Variants in BCAP29 observed in about 807,000 individuals in gnomAD.
The protein encoded by BCAP29 is B cell receptor associated protein 29.
A neutral mutation model predicts 31.8 loss-of-function variants in BCAP29; 34 were observed. The observed-to-expected ratio is 1.07, with a 90% CI of 0.81 to 1.42. The LOEUF is 1.42. Ranked by LOEUF, BCAP29 falls within the 40% of genes most tolerant of loss-of-function variation. BCAP29 has a pLI of 0.00. For missense variants in BCAP29, 314 were observed against 269.2 expected (o/e 1.17, Z -1.16); for synonymous variants, 104 against 91.3 (o/e 1.14, Z -0.79).
At position 107,580,746 on chromosome 7, in the gene BCAP29, T is replaced by A. The variant is rs1457703880; in HGVS notation, c.-14-13T>A. 1.9e-6 allele frequency: 3 copies of A among 1,555,748 alleles called. No individual in the cohort carries two copies. The highest frequency in any genetic ancestry group is 2.6e-6 in the Non-Finnish European group (3 of 1,141,790). ...GAAAGGAAGCAAGAGAAAATAAGTG[T>A]TTTTCCATTTAGGTGTGAAGAAAAA... On this transcript the variant is annotated splice_polypyrimidine_tract_variant and intron_variant, in intron 1 of 7. Transcript: ENST00000005259.
intron 6 of BCAP29, 29 bp from the exon 7 acceptor site, chr7:107,613,303 T>C (rs1813563023): frequency 1.3e-6 from 2 of 1,513,444 alleles, no homozygotes; most frequent in Non-Finnish European, 1.8e-6. Context: ...TATTCTGAAA[T>C]AAAAATAAAA....
chr7:107,608,707 C>A (rs1424158705), intron 6 of BCAP29, among the ~76,000 whole-genome samples: 3 of 152,088 alleles, frequency 2.0e-5, no homozygotes, highest in Non-Finnish European at 4.4e-5. Context: ...AGAATGGTCT[C>A]TTTGCTTTGT....
intron 3 of BCAP29, among the ~76,000 whole-genome samples, chr7:107,588,290 T>C (rs1808074226): frequency 6.6e-6 from 1 of 151,912 alleles, no homozygotes; most frequent in East Asian, 1.9e-4. Context: ...TTTATTTGGG[T>C]TTTATTTTGG....
At chr7:107,594,852 A>G (rs913721416) in intron 4 of BCAP29, among the ~76,000 whole-genome samples, 2 of 152,174 alleles carry the variant, frequency 1.3e-5, no homozygotes, top group African/African-American at 4.8e-5. Context: ...GATATACCCA[A>G]ATAACAAACA....
intron 4 of BCAP29, 166 bp from the exon 5 acceptor site, chr7:107,595,701 T>A: frequency 1.7e-6 from 1 of 603,416 alleles, no homozygotes; most frequent in Non-Finnish European, 2.6e-6. Flanking sequence ...GACACGGGCC[T>A]GTTTTTACTA....
chr7:107,586,830 T>A (rs1157402603), intron 3 of BCAP29, among the ~76,000 whole-genome samples: 1 of 151,476 alleles, frequency 6.6e-6, no homozygotes, highest in Non-Finnish European at 1.5e-5. Context: ...CAGGCTCAAG[T>A]AATTCTCCAG....
chr7:107,593,836 G>A (rs562582566), intron 3 of BCAP29, 119 bp from the exon 4 acceptor site: 61 of 930,938 alleles, frequency 6.6e-5, no homozygotes, highest in South Asian at 6.1e-4. Flanking sequence ...CATAAAGGTC[G>A]CCTCTGCCTA....
chr7:107,618,328 G>T lies in BCAP29; in HGVS notation c.691G>T (p.Asp231Tyr). ...ATAAATCATATTTTTTTCCTTACAGGATCGTTTAGAAAGAGGCAACAAGAA... is the reference window on the plus strand; with the variant it reads ...ATAAATCATATTTTTTTCCTTACAGTATCGTTTAGAAAGAGGCAACAAGAA... Reference protein sequence around the residue: ...QLLKEHSELQDRLERGNKKRL With the variant: ...QLLKEHSELQYRLERGNKKRL The change falls in exon 8 of 8, where the codon GAT (aspartate) becomes TAT (tyrosine). Residue 231 changes from aspartate (D) to tyrosine (Y), a missense_variant and splice_region_variant. Physicochemically the swap from Asp to Tyr is radical, Grantham distance 160. Coordinates refer to ENST00000005259, the MANE Select transcript of BCAP29 (RefSeq NM_018844.4). 1.3e-6 allele frequency: 2 copies of T among 1,573,368 alleles called. No homozygotes were observed. The highest frequency in any genetic ancestry group is 1.7e-6 in the Non-Finnish European group (2 of 1,159,434).
At chr7:107,612,590 T>A (rs1414055336) in intron 6 of BCAP29, among the ~76,000 whole-genome samples, 1 of 151,766 alleles carries the variant, frequency 6.6e-6, no homozygotes, top group Non-Finnish European at 1.5e-5. Context: ...TATATATTGC[T>A]GCTTTAGTTA....
intron 3 of BCAP29, among the ~76,000 whole-genome samples, chr7:107,585,233 T>C (rs1430792989): frequency 6.6e-6 from 1 of 152,192 alleles, no homozygotes; most frequent in African/African-American, 2.4e-5. Flanking sequence ...GACACTGTTT[T>C]GTGAGAAAAT....
In BCAP29 at chr7:107,580,846, CT is replaced by C; in HGVS notation, c.78del (p.Phe26LeufsTer34). ...GGACTCATTTTAATCTTCTGCCTACCTTTTATTCCTCCTCAGAGGTAGGAAA... is the reference window on the plus strand; with the variant it reads ...GGACTCATTTTAATCTTCTGCCTACCTTTATTCCTCCTCAGAGGTAGGAAA... Reference protein sequence around the residue: ...EIGLILIFCLPFIPPQRWQKI... With the variant: ...EIGLILIFCLXFIPPQRWQKI... On this transcript the variant is annotated frameshift_variant, in exon 2 of 8. Transcript: ENST00000005259. LOFTEE classifies it high-confidence loss of function. The C allele has an allele frequency of 3.1e-6, 5 of 1,591,238 alleles. No homozygotes were observed. The highest frequency in any genetic ancestry group is 2.4e-5 in the East Asian group (1 of 42,304).
chr7:107,617,690 A>G (rs954004477), intron 7 of BCAP29, among the ~76,000 whole-genome samples: 1 of 152,222 alleles, frequency 6.6e-6, no homozygotes, highest in East Asian at 1.9e-4. Flanking sequence ...TTTGATTGCA[A>G]AAGTTAATGT....
At chr7:107,608,497 G>T (rs1274431703) in intron 6 of BCAP29, among the ~76,000 whole-genome samples, 1 of 151,738 alleles carries the variant, frequency 6.6e-6, no homozygotes, top group South Asian at 2.1e-4. Context: ...TTTCATTTTT[G>T]GAGCACTTCC....
chr7:107,587,205 A>T (rs1807859592), intron 3 of BCAP29, among the ~76,000 whole-genome samples: 1 of 152,210 alleles, frequency 6.6e-6, no homozygotes, highest in African/African-American at 2.4e-5. Context: ...AGGAATTTGA[A>T]AGTTTCCATA....
At chr7:107,618,216 A>G (rs541893324) in intron 7 of BCAP29, 112 bp from the exon 8 acceptor site, 19 of 704,874 alleles carry the variant, frequency 2.7e-5, no homozygotes, top group Non-Finnish European at 3.7e-5. Context: ...TTCACATTTA[A>G]TTATTCTCAT....
At chr7:107,596,076 A>C in intron 5 of BCAP29, 74 bp downstream of exon 5, 1 of 1,297,392 alleles carries the variant, frequency 7.7e-7, no homozygotes, top group Non-Finnish European at 1.0e-6. Flanking sequence ...TTCAGCATCA[A>C]AAAGAGCATT....
At chr7:107,587,128 GC>G (rs1315196413) in intron 3 of BCAP29, among the ~76,000 whole-genome samples, 1 of 152,164 alleles carries the variant, frequency 6.6e-6, no homozygotes, top group Middle Eastern at 3.2e-3. Context: ...TATTTTAGGT[GC>G]TGGTAAGAGA....
intron 2 of BCAP29, 83 bp from the exon 3 acceptor site, chr7:107,583,799 A>G: frequency 1.7e-6 from 1 of 591,148 alleles, no homozygotes; most frequent in African/African-American, 2.0e-5. Flanking sequence ...CACAATTACT[A>G]AAATGTTACT....
In BCAP29 at chr7:107,583,835, CTTTAT is replaced by C. The variant is rs927077850; in HGVS notation, c.93-42_93-38del. ...TCAGTATTTAAAAAGTATTTCAAAA[CTTTAT>C]TTTAGTTTTTTTATACCTAATATAA... On this transcript the variant is annotated intron_variant, in intron 2 of 7. Transcript: ENST00000005259. 5.2e-6 allele frequency: 5 copies of C among 970,298 alleles called. No homozygotes were observed. In the African/African-American group the frequency reaches 8.6e-5, roughly 17 times the overall value. 60.1% of individuals were successfully genotyped at this position (970,298 alleles called of 1,614,324 possible). A position where few individuals can be genotyped will look rare whatever the true frequency, so the allele number is the denominator to read the frequency against.
Sources: allele counts gnomAD v4.1 joint callset (sites outside exome capture counted in the v4.1 genomes callset), GRCh38; gene constraint gnomAD v4.1.1; transcripts MANE v1.5; gene names NCBI Gene and HGNC (gene_info 2026-07-23, HGNC 2026-07-21).